Variants in DOCK2 observed in about 807,000 individuals in gnomAD.
DOCK2 encodes dedicator of cytokinesis 2.
Under a neutral mutation model 248.9 loss-of-function variants are expected in DOCK2, and 87 were observed. That is an observed-to-expected ratio of 0.35 (90% CI 0.29 to 0.42). The LOEUF is 0.42. Among genes scored for constraint, DOCK2 ranks in the 10% least tolerant of loss-of-function variants. DOCK2 has a pLI of 1.00. For missense variants in DOCK2, 1,747 were observed against 2,300.2 expected (o/e 0.76, Z 4.92); for synonymous variants, 805 against 821.6 (o/e 0.98, Z 0.35).
intron 27 of DOCK2, among the ~76,000 whole-genome samples, chr5:169,890,631 G>T (rs1198311117): frequency 6.6e-6 from 1 of 152,156 alleles, no homozygotes; most frequent in Non-Finnish European, 1.5e-5. Flanking sequence ...AAGAAACAAA[G>T]GGAATTGACT....
intron 11 of DOCK2, 106 bp downstream of exon 11, chr5:169,698,555 T>A (rs1581054433): frequency 8.0e-7 from 1 of 1,255,046 alleles, no homozygotes; most frequent in African/African-American, 1.5e-5. Context: ...GATAGGCAGG[T>A]GGAGCCTCCC....
At chr5:169,714,504 C>T in intron 19 of DOCK2, 47 bp downstream of exon 19, 1 of 1,600,038 alleles carries the variant, frequency 6.2e-7, no homozygotes, top group African/African-American at 1.3e-5. Flanking sequence ...AGTGACAGAA[C>T]TCTCCATGTG....
At position 169,945,767 on chromosome 5, in the gene DOCK2, CT is replaced by C. The variant is rs200958122; in HGVS notation, c.2800-37297del. 6.9e-3 allele frequency among the ~76,000 whole-genome samples: 1,054 copies of C among 152,346 alleles called. 9 individuals are homozygous for C. Among genetic ancestry groups the C allele is most frequent in the African/African-American group, 0.024 (1,010 of 41,582 alleles). On this transcript the variant is annotated intron_variant, in intron 27 of 51. Coordinates refer to ENST00000520908, the MANE Select transcript of DOCK2 (RefSeq NM_004946.3). ...CCTCTGGTTCTCTCGGCCCCCAAGG[CT>C]TTTCTTCAGCAGCCAGCACCTCTGG...
At chr5:169,710,223 A>G (rs1403163328) in intron 15 of DOCK2, among the ~76,000 whole-genome samples, 1 of 152,142 alleles carries the variant, frequency 6.6e-6, no homozygotes, top group Non-Finnish European at 1.5e-5. Context: ...ATGACCCCCT[A>G]GCATGTGTCT....
chr5:170,021,398 G>A (rs1755722473), intron 33 of DOCK2, among the ~76,000 whole-genome samples: 1 of 152,312 alleles, frequency 6.6e-6, no homozygotes, highest in East Asian at 1.9e-4. Context: ...CCTGGGAACA[G>A]GTGTGCAAAA....
intron 39 of DOCK2, among the ~76,000 whole-genome samples, chr5:170,047,088 C>T (rs914595619): frequency 2.6e-5 from 4 of 152,176 alleles, no homozygotes; most frequent in African/African-American, 9.7e-5. Flanking sequence ...AGGAAAACAT[C>T]TGTATCAGGG....
Position 169,674,455 on chromosome 5 carries a change from C to T in DOCK2, c.470+10C>T. The T allele has an allele frequency of 1.2e-6, 2 of 1,613,966 alleles. No individual in the cohort carries two copies. Among genetic ancestry groups the T allele is most frequent in the Non-Finnish European group, 1.7e-6 (2 of 1,179,890 alleles). On this transcript the variant is annotated intron_variant, in intron 6 of 51. Transcript: ENST00000520908. ...TTGACTATGGCAACAAGTAACCTCTCTTTCCTCTGCAAAGAGGTTTTCTTC... is the reference window on the plus strand; with the variant it reads ...TTGACTATGGCAACAAGTAACCTCTTTTTCCTCTGCAAAGAGGTTTTCTTC...
At chr5:169,872,790 T>C (rs921684337) in intron 27 of DOCK2, among the ~76,000 whole-genome samples, 1 of 152,208 alleles carries the variant, frequency 6.6e-6, no homozygotes, top group Admixed American at 6.5e-5. Flanking sequence ...GACCTAGTTT[T>C]GAGCCCTGGC....
At chr5:170,077,086 T>C (rs1303538650) in intron 47 of DOCK2, among the ~76,000 whole-genome samples, 2 of 152,178 alleles carry the variant, frequency 1.3e-5, no homozygotes, top group Non-Finnish European at 2.9e-5. Context: ...CAGTTTATGA[T>C]ACAAATCAAG....
At chr5:169,674,693 A>G (rs1217337487) in intron 6 of DOCK2, among the ~76,000 whole-genome samples, 3 of 152,200 alleles carry the variant, frequency 2.0e-5, no homozygotes, top group African/African-American at 7.2e-5. Context: ...TAGGACACTC[A>G]TTTAACCTAC....
At chr5:169,862,410 A>T (rs1187483645) in intron 27 of DOCK2, among the ~76,000 whole-genome samples, 1 of 152,250 alleles carries the variant, frequency 6.6e-6, no homozygotes, top group East Asian at 1.9e-4. Flanking sequence ...ATAAAATTAC[A>T]TAAGAGGTCC....
At chr5:169,664,828 A>C (rs1455497961) in intron 2 of DOCK2, among the ~76,000 whole-genome samples, 1 of 152,182 alleles carries the variant, frequency 6.6e-6, no homozygotes, top group African/African-American at 2.4e-5. Context: ...ACAAAGCCAA[A>C]TCATATCAAC....
chr5:169,866,081 G>A (rs1771535426), intron 27 of DOCK2, among the ~76,000 whole-genome samples: 1 of 147,582 alleles, frequency 6.8e-6, no homozygotes, highest in African/African-American at 2.4e-5. Flanking sequence ...TTGCAGGGCT[G>A]AAGAGTCAGA....
chr5:169,752,062 C>G (rs1327047472), intron 23 of DOCK2, among the ~76,000 whole-genome samples: 1 of 152,166 alleles, frequency 6.6e-6, no homozygotes. Flanking sequence ...ACCACATGCT[C>G]AGAAGTCCTT....
chr5:169,767,455 G>T (rs140289695), intron 25 of DOCK2, among the ~76,000 whole-genome samples: 3 of 152,288 alleles, frequency 2.0e-5, no homozygotes, highest in African/African-American at 4.8e-5. Flanking sequence ...ACATCTCTGA[G>T]CCTCGGGTTC....
intron 27 of DOCK2, among the ~76,000 whole-genome samples, chr5:169,907,202 A>C (rs1215030660): frequency 6.6e-6 from 1 of 152,152 alleles, no homozygotes; most frequent in Admixed American, 6.6e-5. Flanking sequence ...TTTTCTGCTT[A>C]TTGGCAGGCA....
intron 22 of DOCK2, among the ~76,000 whole-genome samples, chr5:169,746,681 C>G (rs1219047088): frequency 6.6e-6 from 1 of 152,162 alleles, no homozygotes; most frequent in Non-Finnish European, 1.5e-5. Flanking sequence ...TACCTGGAGA[C>G]TGGTTTTACA....
In DOCK2 at chr5:169,753,321, C is replaced by A. The variant is rs180767601; in HGVS notation, c.2376+5817C>A. The stretch of plus-strand genomic sequence containing the variant: ...TCATCTAGGTTTTAAGCCCTGCGTG[C>A]ATCAGCTATTTGTCCCGATGTTCTC... On this transcript the variant is annotated intron_variant, in intron 23 of 51. Coordinates refer to ENST00000520908, the MANE Select transcript of DOCK2 (RefSeq NM_004946.3). Among the ~76,000 whole-genome samples the A allele has an allele frequency of 2.6e-5, 4 of 152,292 alleles. No individual in the cohort carries two copies. In the East Asian group the frequency reaches 7.7e-4, roughly 29 times the overall value.
At position 170,079,058 on chromosome 5, in the gene DOCK2, T is replaced by C. The variant is rs917113994; in HGVS notation, c.5078T>C (p.Val1693Ala). The change falls in exon 49 of 52, where the codon GTC (valine) becomes GCC (alanine). Residue 1693 changes from valine (V) to alanine (A), a missense_variant. This residue lies in a region of DOCK2 where 513 missense variants were observed against 586.1 expected (regional missense o/e 0.88). Transcript: ENST00000520908. ...TCCCCGGGGAGCACCCTGCCTGAGG[T>C]CAAGCTGCGGAGGTCCAAGAAGAGG... ...PISPGSTLPE[V>A]KLRRSKKRTK... 1 of 1,613,712 alleles carries C rather than the reference T, an allele frequency of 6.2e-7. No homozygotes were observed. The highest frequency in any genetic ancestry group is 1.3e-5 in the African/African-American group (1 of 74,902).
Sources: allele counts gnomAD v4.1 joint callset (sites outside exome capture counted in the v4.1 genomes callset), GRCh38; gene constraint gnomAD v4.1.1; regional missense constraint gnomAD v4.1.1; transcripts MANE v1.5; gene names NCBI Gene and HGNC (gene_info 2026-07-23, HGNC 2026-07-21).